The following ATP11A variants were observed in gnomAD, a reference collection of about 807,000 sequenced individuals.
The protein encoded by ATP11A is ATPase phospholipid transporting 11A.
In ATP11A, 81 loss-of-function variants were observed where a neutral mutation model predicts 154.4. The observed-to-expected ratio is 0.52, with a 90% CI of 0.44 to 0.63. ATP11A has a LOEUF of 0.63. Ranked by LOEUF, ATP11A falls within the 30% of genes least tolerant of loss-of-function variation. ATP11A has a pLI of 0.00. For missense variants in ATP11A, 1,316 were observed against 1,474.3 expected, an observed-to-expected ratio of 0.89 and a Z score of 1.76; for synonymous variants, 623 against 585.9, an observed-to-expected ratio of 1.06 and a Z score of -0.91.
At position 112,878,262 on chromosome 13, in the gene ATP11A, C is replaced by G. The variant is rs750537240; in HGVS notation, c.3373C>G (p.Leu1125Val). Residue 1125 changes from leucine (L) to valine (V), a missense_variant, in exon 29 of 30, where the codon CTT becomes GTT. This residue lies in a region of ATP11A where 294 missense variants were observed against 290.2 expected (regional missense o/e 1.01). Coordinates refer to ENST00000375645, the MANE Select transcript of ATP11A (RefSeq NM_015205.3). Reference protein sequence around the residue: ...LSVEQSTIFMLSQTSSSLSF With the variant: ...LSVEQSTIFMVSQTSSSLSF ...TGTCGAGCAGTCAACCATCTTTATGCTTTCTCAGACTTCCAGCAGCCTGAG... is the reference window on the plus strand; with the variant it reads ...TGTCGAGCAGTCAACCATCTTTATGGTTTCTCAGACTTCCAGCAGCCTGAG... 2 of 1,614,232 alleles carry G rather than the reference C, an allele frequency of 1.2e-6. No individual in the cohort carries two copies. The highest frequency in any genetic ancestry group is 1.7e-6 in the Non-Finnish European group (2 of 1,180,044).
At chr13:112,695,221 A>T (rs528122222) in intron 1 of ATP11A, among the ~76,000 whole-genome samples, 53 of 152,348 alleles carry the variant, frequency 3.5e-4, no homozygotes, top group African/African-American at 1.2e-3. Context: ...CAAGGTCTTC[A>T]GGTATTTGAA....
chr13:112,756,180 C>CA (rs1263863767), intron 1 of ATP11A, among the ~76,000 whole-genome samples: 1 of 152,062 alleles, frequency 6.6e-6, no homozygotes, highest in East Asian at 1.9e-4. Context: ...ACTACAAAGC[C>CA]AAAACCAAAA....
chr13:112,760,384 T>C (rs1315856552), intron 1 of ATP11A, among the ~76,000 whole-genome samples: 1 of 152,190 alleles, frequency 6.6e-6, no homozygotes, highest in Non-Finnish European at 1.5e-5. Flanking sequence ...CCAGTAAGTT[T>C]AGCATTACCC....
rs965894891 is a variant in ATP11A at position 112,818,330 on chromosome 13, C to G, written c.571-974C>G. The stretch of plus-strand genomic sequence containing the variant: ...GTGCGCTTGGTGACGGGGCGGTGAC[C>G]GTTGGTGCGCTTGGTGACGGAACGG... On this transcript the variant is annotated intron_variant, in intron 6 of 29. Transcript: ENST00000375645. 3.3e-5 allele frequency among the ~76,000 whole-genome samples: 5 copies of G among 150,122 alleles called. 1 individual carries two copies. Among genetic ancestry groups the G allele is most frequent in the Admixed American group, 3.3e-4 (5 of 15,092 alleles).
In ATP11A at chr13:112,785,270, G is replaced by A; in HGVS notation, c.162+13G>A. The A allele has an allele frequency of 1.3e-6, 2 of 1,491,820 alleles. No individual in the cohort carries two copies. The highest frequency in any genetic ancestry group is 1.4e-5 in the South Asian group (1 of 73,180). The allele number at this position is 1,491,820 out of a possible 1,614,324, so 92.4% of individuals were successfully genotyped here. On this transcript the variant is annotated intron_variant, in intron 2 of 29. Coordinates refer to ENST00000375645, the MANE Select transcript of ATP11A (RefSeq NM_015205.3). This position sits in a 1 kb window ranked among gnomAD's most constrained non-coding sequence, Gnocchi z 4.8. ...CGTCTCGTCCAAGGTAACTTGGCTTGGGTCTGAGTGTCCATAATGTGTCTA... is the reference window on the plus strand; with the variant it reads ...CGTCTCGTCCAAGGTAACTTGGCTTAGGTCTGAGTGTCCATAATGTGTCTA...
At chr13:112,832,742 C>A (rs759969720) in intron 13 of ATP11A, 118 bp from the exon 14 acceptor site, 65 of 1,186,866 alleles carry the variant, frequency 5.5e-5, no homozygotes, top group Non-Finnish European at 7.4e-5. Context: ...CCACAAGCTG[C>A]CTTCGTGGCC....
intron 25 of ATP11A, among the ~76,000 whole-genome samples, chr13:112,868,606 G>T (rs995272714): frequency 1.3e-5 from 2 of 152,152 alleles, no homozygotes; most frequent in African/African-American, 4.8e-5. Context: ...GATGTCACTT[G>T]GAAGAAAAGG....
intron 16 of ATP11A, among the ~76,000 whole-genome samples, chr13:112,841,252 G>A (rs1259813349): frequency 6.8e-6 from 1 of 147,442 alleles, no homozygotes; most frequent in African/African-American, 2.5e-5. Flanking sequence ...GGTGCAGAGG[G>A]GGCTCTGTGT....
chr13:112,713,356 T>C (rs1045339764), intron 1 of ATP11A, among the ~76,000 whole-genome samples: 4 of 152,104 alleles, frequency 2.6e-5, no homozygotes, highest in Non-Finnish European at 5.9e-5. Flanking sequence ...GATCATGCCA[T>C]TGCACTTTAG....
At position 112,785,196 on chromosome 13, in the gene ATP11A, C is replaced by A; in HGVS notation, c.101C>A (p.Pro34His). 6.3e-7 allele frequency: 1 copy of A among 1,579,088 alleles called. No individual in the cohort carries two copies. The highest frequency in any genetic ancestry group is 8.6e-7 in the Non-Finnish European group (1 of 1,163,196). The stretch of plus-strand genomic sequence containing the variant: ...ATCTACGTGGGACACAGGGAGCCAC[C>A]TCCGGGCGCAGAGGCCTACATCCCA... ...RTIYVGHREP[P>H]PGAEAYIPQR... Residue 34 changes from proline to histidine, a missense_variant, in exon 2 of 30, where the codon CCT (proline) becomes CAT (histidine). Coordinates refer to ENST00000375645, the MANE Select transcript of ATP11A (RefSeq NM_015205.3). This position sits in a 1 kb window ranked among gnomAD's most constrained non-coding sequence, Gnocchi z 4.8.
rs367788792 is a variant in ATP11A, at chr13:112,871,814, C to T, written c.3057+14C>T. On this transcript the variant is annotated intron_variant, in intron 26 of 29. Transcript: ENST00000375645. Reference sequence around the variant, plus strand: ...GTTACACTAAAGGTAAGTGGTCTCGCGCTCACGTTCCTCCCCCAGCCACAG... The same window carrying T: ...GTTACACTAAAGGTAAGTGGTCTCGTGCTCACGTTCCTCCCCCAGCCACAG... 5.5e-5 allele frequency: 88 copies of T among 1,612,670 alleles called. No homozygotes were observed. The highest frequency in any genetic ancestry group is 8.8e-5 in the South Asian group (8 of 91,064).
intron 5 of ATP11A, among the ~76,000 whole-genome samples, chr13:112,813,302 T>C (rs9324330): frequency 0.72 from 108,794 of 152,126 alleles, 40,397 homozygotes; most frequent in African/African-American, 0.93. Context: ...TTCCATTTGC[T>C]CGGATGTGCT....
intron 1 of ATP11A, among the ~76,000 whole-genome samples, chr13:112,693,221 A>G (rs1885394153): frequency 6.6e-6 from 1 of 152,212 alleles, no homozygotes; most frequent in Admixed American, 6.5e-5. Context: ...GACCGGAGCC[A>G]TGCAGAGATA....
rs2080038789 is a variant in ATP11A, at chr13:112,859,543, T to C, written c.2727+91T>C. The C allele has an allele frequency of 1.5e-5, 16 of 1,097,780 alleles. No homozygotes were observed. Among genetic ancestry groups the C allele is most frequent in the Non-Finnish European group, 2.0e-5 (14 of 711,766 alleles). 68.0% of individuals were successfully genotyped at this position (1,097,780 alleles called of 1,614,324 possible). A position where few individuals can be genotyped will look rare whatever the true frequency, so the allele number is the denominator to read the frequency against. The stretch of plus-strand genomic sequence containing the variant: ...GCTGTGGGGAGGGGAGACTTGGGAA[T>C]GAGCAGCACTCCCCGGCACCACGAG... On this transcript the variant is annotated intron_variant, in intron 23 of 29. Coordinates refer to ENST00000375645, the MANE Select transcript of ATP11A (RefSeq NM_015205.3). This position sits in a 1 kb window ranked among gnomAD's most constrained non-coding sequence, Gnocchi z 4.3.
intron 12 of ATP11A, 64 bp downstream of exon 12, chr13:112,826,955 C>T: frequency 6.4e-7 from 1 of 1,552,898 alleles, no homozygotes; most frequent in East Asian, 2.3e-5. Context: ...CTTCACGTTC[C>T]TCAGGTCCTG....
intron 2 of ATP11A, among the ~76,000 whole-genome samples, chr13:112,787,939 G>T (rs1245161145): frequency 6.7e-6 from 1 of 150,156 alleles, no homozygotes; most frequent in Non-Finnish European, 1.5e-5. Flanking sequence ...ATTCACACTG[G>T]GTGTCCTGAT....
At position 112,885,086 on chromosome 13, in the gene ATP11A, C is replaced by G. The variant is rs1314038605; in HGVS notation, c.*3220C>G. On this transcript the variant is annotated 3_prime_UTR_variant, in exon 30 of 30. Transcript: ENST00000375645. ...GTGAGCTCCTACACGCATACACACA[C>G]ACACGTGTACATGCACCAAAGCATG... is the stretch of plus-strand genomic sequence containing the variant. 1 of 152,230 alleles carries G rather than the reference C, an allele frequency of 6.6e-6. No individual in the cohort carries two copies. The highest frequency in any genetic ancestry group is 2.4e-5 in the African/African-American group (1 of 41,438). 9.4% of individuals were successfully genotyped at this position (152,230 alleles called of 1,614,324 possible). A position where few individuals can be genotyped will look rare whatever the true frequency, so the allele number is the denominator to read the frequency against.
intron 1 of ATP11A, among the ~76,000 whole-genome samples, chr13:112,771,334 A>G (rs550750888): frequency 8.5e-5 from 13 of 152,316 alleles, no homozygotes; most frequent in African/African-American, 3.1e-4. Context: ...TGCGCCAGGC[A>G]GAGACACCTT....
chr13:112,698,330 A>G (rs1482406651), intron 1 of ATP11A, among the ~76,000 whole-genome samples: 1 of 152,202 alleles, frequency 6.6e-6, no homozygotes, highest in Non-Finnish European at 1.5e-5. Flanking sequence ...CCCAAGGAGG[A>G]CACAGGCTTT....
Sources: allele counts gnomAD v4.1 joint callset (sites outside exome capture counted in the v4.1 genomes callset), GRCh38; gene constraint gnomAD v4.1.1; regional missense constraint gnomAD v4.1.1; non-coding constraint Gnocchi (gnomAD v3.1); transcripts MANE v1.5; gene names NCBI Gene and HGNC (gene_info 2026-07-23, HGNC 2026-07-21).